Variants in MARCO observed in about 807,000 individuals in gnomAD.
MARCO encodes the protein macrophage receptor with collagenous structure, also known as macrophage receptor MARCO.
MARCO carries 72 observed loss-of-function variants against 70.0 expected under a neutral mutation model. The ratio of observed to expected loss-of-function variants is 1.03; its 90% CI spans 0.85 to 1.25. The LOEUF is 1.25. MARCO is among the 50% of genes most tolerant of loss of function. The pLI is 0.00. For missense variants in MARCO, 696 were observed against 659.3 expected (o/e 1.06, Z -0.61); for synonymous variants, 273 against 243.1 (o/e 1.12, Z -1.14).
chr2:118,945,585 A>G (rs1479628965), intron 1 of MARCO, among the ~76,000 whole-genome samples: 1 of 151,454 alleles, frequency 6.6e-6, no homozygotes, highest in Non-Finnish European at 1.5e-5. Flanking sequence ...GCTAACTTTT[A>G]TATTTTTAGT....
At chr2:118,963,216 T>C (rs1404978299) in intron 1 of MARCO, among the ~76,000 whole-genome samples, 3 of 151,752 alleles carry the variant, frequency 2.0e-5, no homozygotes, top group Non-Finnish European at 4.4e-5. Context: ...TTATTTTTGG[T>C]GTAAGCAGTT....
chr2:118,969,026 A>G, intron 1 of MARCO, 134 bp from the exon 2 acceptor site: 2 of 673,222 alleles, frequency 3.0e-6, no homozygotes, highest in Non-Finnish European at 5.3e-6. Flanking sequence ...TTTGGGAGTC[A>G]TGAGCTTTTG....
chr2:118,974,864 T>G (rs1371992223), intron 6 of MARCO, among the ~76,000 whole-genome samples: 1 of 152,186 alleles, frequency 6.6e-6, no homozygotes, highest in Non-Finnish European at 1.5e-5. Flanking sequence ...AGTCTGCCAG[T>G]GCCACTTTGG....
At chr2:118,963,809 G>A (rs934852749) in intron 1 of MARCO, among the ~76,000 whole-genome samples, 1 of 152,102 alleles carries the variant, frequency 6.6e-6, no homozygotes, top group Non-Finnish European at 1.5e-5. Context: ...TTTTAATACA[G>A]TTTGGCAATA....
intron 1 of MARCO, among the ~76,000 whole-genome samples, chr2:118,961,762 C>T (rs1403737524): frequency 6.6e-6 from 1 of 152,164 alleles, no homozygotes; most frequent in African/African-American, 2.4e-5. Flanking sequence ...GTTGCAGTTG[C>T]TTTTGGCAAT....
At chr2:118,949,362 C>T (rs770591628) in intron 1 of MARCO, 2 of 152,122 alleles carry the variant, frequency 1.3e-5, no homozygotes, top group Non-Finnish European at 2.9e-5. Context: ...ATCTTTATAC[C>T]CTGTTTCAAT....
chr2:118,967,305 A>G (rs1680070757), intron 1 of MARCO, among the ~76,000 whole-genome samples: 1 of 152,176 alleles, frequency 6.6e-6, no homozygotes, highest in South Asian at 2.1e-4. Flanking sequence ...TATTCAGGGG[A>G]CACACATTGC....
chr2:118,960,133 T>TAATA (rs1573382852), intron 1 of MARCO, among the ~76,000 whole-genome samples: 1 of 151,388 alleles, frequency 6.6e-6, no homozygotes, highest in Admixed American at 6.6e-5. Context: ...ATAATAATAA[T>TAATA]AATAAATAAA....
chr2:118,959,269 A>G (rs1463894718), intron 1 of MARCO, among the ~76,000 whole-genome samples: 1 of 152,226 alleles, frequency 6.6e-6, no homozygotes, highest in Admixed American at 6.5e-5. Flanking sequence ...CAGAATCTAC[A>G]ACAAACTCAA....
At chr2:118,955,140 T>C (rs1422323100) in intron 1 of MARCO, among the ~76,000 whole-genome samples, 1 of 151,970 alleles carries the variant, frequency 6.6e-6, no homozygotes, top group Non-Finnish European at 1.5e-5. Context: ...GGAGGTTAGT[T>C]ATTAAGTTAA....
At chr2:118,986,671 AGG>A (rs1558671726) in intron 12 of MARCO, among the ~76,000 whole-genome samples, 2 of 48,968 alleles carry the variant, frequency 4.1e-5, no homozygotes, top group African/African-American at 2.1e-4. Context: ...GAAGGAAGGA[AGG>A]AAAGAAAGAA....
chr2:118,945,044 A>T (rs1382682475), intron 1 of MARCO: 3 of 152,144 alleles, frequency 2.0e-5, no homozygotes, highest in African/African-American at 7.2e-5. Flanking sequence ...TGGATGAATA[A>T]CCACCACAAA....
At chr2:118,984,754 G>A (rs1680453923) in intron 12 of MARCO, among the ~76,000 whole-genome samples, 1 of 152,146 alleles carries the variant, frequency 6.6e-6, no homozygotes, top group Non-Finnish European at 1.5e-5. Flanking sequence ...GCAGGCAGAG[G>A]GTGGGAGCCC....
In MARCO at chr2:118,954,940, C is replaced by T. The variant is rs185964518; in HGVS notation, c.97+12543C>T. Among the ~76,000 whole-genome samples the T allele has an allele frequency of 2.0e-5, 3 of 152,190 alleles. No individual in the cohort carries two copies. In the East Asian group the frequency reaches 5.8e-4, roughly 29 times the overall value. On this transcript the variant is annotated intron_variant, in intron 1 of 16. Transcript: ENST00000327097. The stretch of plus-strand genomic sequence containing the variant: ...CAGCAATCTTCAGCCCTAGACTTCC[C>T]TCTAACAGAACCTACCCAAATGAGA...
chr2:118,978,022 G>A, intron 8 of MARCO, 87 bp downstream of exon 8: 4 of 794,252 alleles, frequency 5.0e-6, no homozygotes, highest in East Asian at 5.4e-5. Flanking sequence ...TCTATTCAGT[G>A]CCCACTGAGG....
At chr2:118,982,874 T>G (rs540679829) in intron 12 of MARCO, among the ~76,000 whole-genome samples, 1 of 146,126 alleles carries the variant, frequency 6.8e-6, no homozygotes, top group Non-Finnish European at 1.5e-5. Context: ...GTTTATACCA[T>G]AATGCCAACA....
In MARCO at chr2:118,977,855, G is replaced by T; in HGVS notation, c.686G>T (p.Gly229Val). ...TGTPGPQGEK[G>V]SKGDGGLIGP... ...ACCCCAGGACCCCAAGGAGAGAAGGGCAGCAAAGGCGATGGGGGTCTCATT... is the reference window on the plus strand; with the variant it reads ...ACCCCAGGACCCCAAGGAGAGAAGGTCAGCAAAGGCGATGGGGGTCTCATT... The change falls in exon 8 of 17, where the codon GGC becomes GTC. Residue 229 changes from glycine to valine, a missense_variant. Transcript: ENST00000327097. The T allele has an allele frequency of 3.7e-6, 6 of 1,613,078 alleles. No individual in the cohort carries two copies. Among genetic ancestry groups the T allele is most frequent in the Non-Finnish European group, 5.1e-6 (6 of 1,179,656 alleles).
At chr2:118,981,145 C>T (rs1327843610) in intron 8 of MARCO, among the ~76,000 whole-genome samples, 1 of 151,950 alleles carries the variant, frequency 6.6e-6, no homozygotes, top group Admixed American at 6.6e-5. Flanking sequence ...TGGCTATTGT[C>T]CCTCCCAAGG....
At position 118,994,633 on chromosome 2, in the gene MARCO, G is replaced by T. The variant is rs1436582127; in HGVS notation, c.*113G>T. On this transcript the variant is annotated 3_prime_UTR_variant, in exon 17 of 17. Coordinates refer to ENST00000327097, the MANE Select transcript of MARCO (RefSeq NM_006770.4). Reference sequence around the variant, plus strand: ...ACAACTGAGCAGCCTCTGGAGAGGGGCCATTAATAAAGCTCAACATCATTG... The same window carrying T: ...ACAACTGAGCAGCCTCTGGAGAGGGTCCATTAATAAAGCTCAACATCATTG... 9 of 1,074,166 alleles carry T rather than the reference G, an allele frequency of 8.4e-6. No individual in the cohort carries two copies. The highest frequency in any genetic ancestry group is 1.1e-5 in the Non-Finnish European group (8 of 759,446). The allele number at this position is 1,074,166 out of a possible 1,614,324, so 66.5% of individuals were successfully genotyped here.
Sources: allele counts gnomAD v4.1 joint callset (sites outside exome capture counted in the v4.1 genomes callset), GRCh38; gene constraint gnomAD v4.1.1; transcripts MANE v1.5; gene names NCBI Gene and HGNC (gene_info 2026-07-23, HGNC 2026-07-21).